CA10: variants seen among roughly 807,000 people sequenced by gnomAD.
CA10 encodes carbonic anhydrase-related protein 10.
In CA10, 14 loss-of-function variants were observed where a neutral mutation model predicts 44.2. The ratio of observed to expected loss-of-function variants is 0.32; its 90% CI spans 0.21 to 0.50. The LOEUF (loss-of-function observed/expected upper bound fraction) is 0.50. Among genes scored for constraint, CA10 ranks in the 20% least tolerant of loss-of-function variants. The pLI is 0.99. For missense variants in CA10, 350 were observed against 409.7 expected (o/e 0.85, Z 1.26); for synonymous variants, 159 against 141.6 (o/e 1.12, Z -0.87).
At chr17:51,777,170 G>A (rs1021002843) in intron 3 of CA10, among the ~76,000 whole-genome samples, 9 of 152,316 alleles carry the variant, frequency 5.9e-5, no homozygotes, top group Non-Finnish European at 1.3e-4. Flanking sequence ...CATTTACTGC[G>A]ATAGGAAGGA....
chr17:52,048,019 T>G (rs2144204008), intron 2 of CA10, among the ~76,000 whole-genome samples: 1 of 149,218 alleles, frequency 6.7e-6, no homozygotes, highest in South Asian at 2.2e-4. Context: ...AATGGCTCCA[T>G]CCAATCTCCC....
chr17:51,715,068 G>A (rs1032347485), intron 4 of CA10, among the ~76,000 whole-genome samples: 1 of 152,146 alleles, frequency 6.6e-6, no homozygotes, highest in Non-Finnish European at 1.5e-5. Context: ...TCTTTGTAGG[G>A]ACACGGATGA....
chr17:51,697,788 C>T (rs780082696), intron 4 of CA10, among the ~76,000 whole-genome samples: 2 of 152,162 alleles, frequency 1.3e-5, no homozygotes, highest in Non-Finnish European at 2.9e-5. Flanking sequence ...CAGTACAGTG[C>T]CTGGCATATT....
chr17:52,068,519 A>G (rs1010782709), intron 2 of CA10, among the ~76,000 whole-genome samples: 2 of 152,086 alleles, frequency 1.3e-5, no homozygotes, highest in Admixed American at 1.3e-4. Flanking sequence ...CACTTTGAGT[A>G]CTCCTGAACC....
chr17:51,788,687 C>T (rs1485127635), intron 3 of CA10, among the ~76,000 whole-genome samples: 1 of 152,220 alleles, frequency 6.6e-6, no homozygotes, highest in African/African-American at 2.4e-5. Context: ...CCCATATCTC[C>T]TCCTTTAGGA....
chr17:51,977,727 A>G (rs1311918127), intron 2 of CA10, among the ~76,000 whole-genome samples: 1 of 152,126 alleles, frequency 6.6e-6, no homozygotes, highest in Non-Finnish European at 1.5e-5. Flanking sequence ...TAGAGATTGT[A>G]AAGAGGTAAA....
At chr17:51,924,690 G>T (rs772311221) in intron 3 of CA10, among the ~76,000 whole-genome samples, 3 of 152,064 alleles carry the variant, frequency 2.0e-5, no homozygotes, top group African/African-American at 4.8e-5. Flanking sequence ...GCCCTGAGCT[G>T]GTTGCTTCCC....
rs1289134879 is a variant in CA10 at position 51,787,633 on chromosome 17, G to A, written c.280-39815C>T. Among the ~76,000 whole-genome samples the A allele has an allele frequency of 3.9e-5, 6 of 152,068 alleles. No individual in the cohort carries two copies. In the East Asian group the frequency reaches 1.2e-3, roughly 29 times the overall value. On this transcript the variant is annotated intron_variant, in intron 3 of 8. Coordinates refer to ENST00000451037, the MANE Select transcript of CA10 (RefSeq NM_020178.5). The stretch of plus-strand genomic sequence containing the variant: ...AGCCTCCCGAGTAGATTGGACTACA[G>A]GTGCACACCACCATGCCTGGCTATA...
chr17:51,946,771 T>C (rs1406280279), intron 2 of CA10, among the ~76,000 whole-genome samples: 3 of 152,220 alleles, frequency 2.0e-5, no homozygotes, highest in African/African-American at 7.2e-5. Context: ...TAACATGTCT[T>C]ATAACAATAG....
intron 4 of CA10, among the ~76,000 whole-genome samples, chr17:51,729,957 C>T (rs1916658875): frequency 6.6e-6 from 1 of 152,190 alleles, no homozygotes; most frequent in Non-Finnish European, 1.5e-5. Flanking sequence ...CAATAATTCT[C>T]ATTTTACAGA....
chr17:51,687,119 A>G (rs1915035503), intron 4 of CA10, among the ~76,000 whole-genome samples: 1 of 152,162 alleles, frequency 6.6e-6, no homozygotes, highest in African/African-American at 2.4e-5. Flanking sequence ...GAAACCCTCA[A>G]TGACTTTCTA....
intron 2 of CA10, among the ~76,000 whole-genome samples, chr17:52,052,292 T>TTC (rs1416661727): frequency 9.3e-5 from 1 of 10,752 alleles, no homozygotes. Flanking sequence ...TAAAAGGCTT[T>TTC]TTTTTTTAAA....
At chr17:52,118,038 G>A (rs1367246850) in intron 1 of CA10, among the ~76,000 whole-genome samples, 1 of 152,116 alleles carries the variant, frequency 6.6e-6, no homozygotes, top group Non-Finnish European at 1.5e-5. Flanking sequence ...TTTTCTTAAG[G>A]CACTAATCTG....
chr17:52,016,374 G>A (rs1434537314), intron 2 of CA10, among the ~76,000 whole-genome samples: 1 of 152,220 alleles, frequency 6.6e-6, no homozygotes, highest in East Asian at 1.9e-4. Context: ...CCAGTGCATT[G>A]CAGATTGCTG....
intron 1 of CA10, among the ~76,000 whole-genome samples, chr17:52,098,730 G>A (rs144743692): frequency 3.3e-5 from 5 of 152,218 alleles, no homozygotes; most frequent in African/African-American, 7.2e-5. Flanking sequence ...TTCCTCTACC[G>A]GGCCAGTCCA....
chr17:51,967,023 C>T (rs1250977424), intron 2 of CA10, among the ~76,000 whole-genome samples: 1 of 151,336 alleles, frequency 6.6e-6, no homozygotes, highest in Non-Finnish European at 1.5e-5. Flanking sequence ...CAAAACCAAC[C>T]CCATTAAAAA....
chr17:52,145,766 A>T (rs1015910466), intron 1 of CA10, among the ~76,000 whole-genome samples: 1 of 152,182 alleles, frequency 6.6e-6, no homozygotes, highest in African/African-American at 2.4e-5. Flanking sequence ...ATACTTGCTT[A>T]CTCTCTCAAG....
intron 3 of CA10, among the ~76,000 whole-genome samples, chr17:51,876,868 A>G (rs747435064): frequency 2.6e-5 from 4 of 152,170 alleles, no homozygotes; most frequent in Non-Finnish European, 5.9e-5. Flanking sequence ...ATTGTTCTGT[A>G]TCTTTGTGAG....
intron 3 of CA10, among the ~76,000 whole-genome samples, chr17:51,921,851 T>G (rs1445467174): frequency 6.6e-6 from 1 of 152,198 alleles, no homozygotes; most frequent in Non-Finnish European, 1.5e-5. Context: ...TATGTAAATA[T>G]AGTTTGAGAG....
Sources: allele counts gnomAD v4.1 joint callset (sites outside exome capture counted in the v4.1 genomes callset), GRCh38; gene constraint gnomAD v4.1.1; transcripts MANE v1.5; gene names NCBI Gene and HGNC (gene_info 2026-07-23, HGNC 2026-07-21).